The following EBPL variants were observed in gnomAD, a reference collection of about 807,000 sequenced individuals.
EBPL encodes the protein emopamil-binding protein-like.
A neutral mutation model predicts 19.0 loss-of-function variants in EBPL; 20 were observed. The ratio of observed to expected loss-of-function variants is 1.05; its 90% CI spans 0.74 to 1.53. The LOEUF is 1.53. Ranked by LOEUF, EBPL falls within the 40% of genes most tolerant of loss-of-function variation. EBPL has a pLI of 0.00. For missense variants in EBPL, 219 were observed against 261.1 expected, an observed-to-expected ratio of 0.84 and a Z score of 1.11; for synonymous variants, 107 against 117.0, an observed-to-expected ratio of 0.91 and a Z score of 0.55.
intron 1 of EBPL, among the ~76,000 whole-genome samples, chr13:49,687,906 C>T (rs992976677): frequency 3.3e-5 from 5 of 152,320 alleles, no homozygotes; most frequent in Middle Eastern, 3.4e-3. Flanking sequence ...GCTTTGGCCA[C>T]GTGACTTCCC....
intron 1 of EBPL, among the ~76,000 whole-genome samples, chr13:49,678,396 C>G (rs1018762897): frequency 2.0e-5 from 3 of 152,230 alleles, no homozygotes; most frequent in Non-Finnish European, 4.4e-5. Context: ...CAGTGCCCTT[C>G]AGGAGCGGGG....
intron 1 of EBPL, among the ~76,000 whole-genome samples, chr13:49,680,216 C>A (rs1267862755): frequency 6.6e-6 from 1 of 152,166 alleles, no homozygotes; most frequent in Non-Finnish European, 1.5e-5. Context: ...AGATCCCTGA[C>A]TGGACATGAT....
chr13:49,663,062 A>C lies in EBPL; in HGVS notation c.375T>G (p.Tyr125Ter). 6.2e-7 allele frequency: 1 copy of C among 1,613,924 alleles called. No individual in the cohort carries two copies. Among genetic ancestry groups the C allele is most frequent in the Non-Finnish European group, 8.5e-7 (1 of 1,180,018 alleles). The change falls in exon 3 of 4, where the codon TAT (tyrosine) becomes TAG (stop). Residue 125 changes from tyrosine (Y) to a stop codon, truncating the protein, a stop_gained. Transcript: ENST00000242827. LOFTEE classifies it high-confidence loss of function. ...GACAGAAGAAGGGCACCTACCGGTA[A>C]TATTTTTCTTTGACTATGGCATAAA... is the stretch of plus-strand genomic sequence containing the variant. Reference protein sequence around the residue: ...FLIYAIVKEKYYRHFLQITLC... With the variant: ...FLIYAIVKEK
intron 1 of EBPL, among the ~76,000 whole-genome samples, chr13:49,674,587 C>T (rs376412746): frequency 3.6e-5 from 5 of 139,644 alleles, no homozygotes; most frequent in Non-Finnish European, 4.6e-5. Context: ...AATGAATGGG[C>T]TTTTTTTTTT....
At chr13:49,663,305 T>G in intron 2 of EBPL, 110 bp from the exon 3 acceptor site, 3 of 1,371,314 alleles carry the variant, frequency 2.2e-6, no homozygotes, top group Non-Finnish European at 3.0e-6. Flanking sequence ...ATCGCCACTC[T>G]CTCTGCATTC....
intron 3 of EBPL, among the ~76,000 whole-genome samples, chr13:49,662,145 C>T (rs1291186509): frequency 6.6e-6 from 1 of 152,170 alleles, no homozygotes; most frequent in Non-Finnish European, 1.5e-5. Flanking sequence ...AGGCACCCGC[C>T]ACCGTGCCTG....
intron 1 of EBPL, among the ~76,000 whole-genome samples, chr13:49,687,417 C>A (rs1198117182): frequency 1.3e-5 from 2 of 152,186 alleles, no homozygotes; most frequent in Admixed American, 1.3e-4. Flanking sequence ...CCTTTCCAAT[C>A]CAACCTGCAC....
In EBPL at chr13:49,668,327, A is replaced by G. The variant is rs192417315; in HGVS notation, c.241+1450T>C. On this transcript the variant is annotated intron_variant, in intron 2 of 3. Coordinates refer to ENST00000242827, the MANE Select transcript of EBPL (RefSeq NM_032565.5). ...GGTGGCTCATGCCTATAACCCCAGC[A>G]CTTTGGGAGGCCGAGGTGGGCAGAT... 3.0e-3 allele frequency: 659 copies of G among 219,214 alleles called. 6 individuals carry two copies. The highest frequency in any genetic ancestry group is 0.014 in the African/African-American group (611 of 42,200). The allele number at this position is 219,214 out of a possible 1,614,324, so 13.6% of individuals were successfully genotyped here.
chr13:49,677,600 T>C (rs1238359252), intron 1 of EBPL, among the ~76,000 whole-genome samples: 2 of 152,172 alleles, frequency 1.3e-5, no homozygotes, highest in East Asian at 1.9e-4. Flanking sequence ...GAATGAGACC[T>C]GCTATTATGG....
chr13:49,668,467 G>T, intron 2 of EBPL: 1 of 239,358 alleles, frequency 4.2e-6, no homozygotes, highest in Non-Finnish European at 8.4e-6. Flanking sequence ...CCAGCTACTC[G>T]GGAGGCTGAG....
chr13:49,686,616 G>T lies in EBPL; in HGVS notation c.171+4638C>A, dbSNP rs754049524. The T allele has an allele frequency of 1.2e-5, 16 of 1,288,114 alleles. No homozygotes were observed. The South Asian group carries it at 2.0e-4, about 16-fold the overall frequency. The allele number at this position is 1,288,114 out of a possible 1,614,324, so 79.8% of individuals were successfully genotyped here. A position where few individuals can be genotyped will look rare whatever the true frequency, so the allele number is the denominator to read the frequency against. On this transcript the variant is annotated intron_variant, in intron 1 of 3. Coordinates refer to ENST00000242827, the MANE Select transcript of EBPL (RefSeq NM_032565.5). ...CTCTCCTAGGATAGATATTTTAAAA[G>T]ATTCTGCTCTTATTCCTCAGCTCTT...
chr13:49,669,644 A>G, intron 2 of EBPL, 133 bp downstream of exon 2: 1 of 771,726 alleles, frequency 1.3e-6, no homozygotes, highest in South Asian at 1.9e-5. Context: ...AATCTACAGT[A>G]TCTCTACAGA....
intron 2 of EBPL, chr13:49,668,402 T>A (rs76103167): frequency 0.15 from 35,674 of 237,654 alleles, 3,619 homozygotes; most frequent in East Asian, 0.56. Flanking sequence ...TGAAACCCCG[T>A]CTCTACTAAA....
intron 1 of EBPL, among the ~76,000 whole-genome samples, chr13:49,672,916 C>A (rs534214568): frequency 6.6e-5 from 10 of 152,088 alleles, no homozygotes; most frequent in Admixed American, 5.2e-4. Context: ...AACAATTAGC[C>A]GGGTGTGGTG....
At position 49,676,992 on chromosome 13, in the gene EBPL, T is replaced by C. The variant is rs138755158; in HGVS notation, c.172-7146A>G. ...TCCTTTGTTGAAACATTCAGTATAT[T>C]AAAAAAATGCTCTCGTTTGATTTAA... On this transcript the variant is annotated intron_variant, in intron 1 of 3. Coordinates refer to ENST00000242827, the MANE Select transcript of EBPL (RefSeq NM_032565.5). Among the ~76,000 whole-genome samples, 153 of 152,154 alleles carry C rather than the reference T, an allele frequency of 1.0e-3. 2 individuals carry two copies. Among genetic ancestry groups the C allele is most frequent in the African/African-American group, 3.4e-3 (141 of 41,506 alleles).
At chr13:49,667,331 G>A (rs1188234308) in intron 2 of EBPL, among the ~76,000 whole-genome samples, 2 of 152,182 alleles carry the variant, frequency 1.3e-5, no homozygotes, top group African/African-American at 2.4e-5. Flanking sequence ...GGTTTACAAG[G>A]AAAAGATGCA....
chr13:49,684,333 A>G (rs893653860), intron 1 of EBPL, among the ~76,000 whole-genome samples: 8 of 152,382 alleles, frequency 5.2e-5, no homozygotes, highest in Middle Eastern at 3.4e-3. Context: ...AAATATAGGT[A>G]TATCTCAACA....
chr13:49,686,729 A>T, intron 1 of EBPL: 5 of 835,210 alleles, frequency 6.0e-6, no homozygotes, highest in Non-Finnish European at 8.1e-6. Flanking sequence ...AATTCCCAGC[A>T]CTCTCTCTTC....
chr13:49,689,494 C>T (rs1345924812), intron 1 of EBPL, among the ~76,000 whole-genome samples: 1 of 152,046 alleles, frequency 6.6e-6, no homozygotes, highest in African/African-American at 2.4e-5. Flanking sequence ...AGATTATGGG[C>T]ACCGTCACCA....
Sources: allele counts gnomAD v4.1 joint callset (sites outside exome capture counted in the v4.1 genomes callset), GRCh38; gene constraint gnomAD v4.1.1; transcripts MANE v1.5; gene names NCBI Gene and HGNC (gene_info 2026-07-23, HGNC 2026-07-21).